Variants in NEGR1 observed in about 807,000 individuals in gnomAD.
NEGR1 encodes neuronal growth regulator 1, also known as IgLON family member 4.
NEGR1 carries 10 observed loss-of-function variants against 40.9 expected under a neutral mutation model. The ratio of observed to expected loss-of-function variants is 0.24; its 90% CI spans 0.15 to 0.42. The LOEUF is 0.42. Ranked by LOEUF, NEGR1 falls within the 10% of genes least tolerant of loss-of-function variation. NEGR1 has a pLI of 1.00. For missense variants in NEGR1, 352 were observed against 438.9 expected, an observed-to-expected ratio of 0.80 and a Z score of 1.77; for synonymous variants, 185 against 166.8, an observed-to-expected ratio of 1.11 and a Z score of -0.84.
In NEGR1 at chr1:71,969,628, G is replaced by T. The variant is rs145572621; in HGVS notation, c.177-34317C>A. Among the ~76,000 whole-genome samples the T allele has an allele frequency of 3.3e-3, 503 of 152,326 alleles. 3 individuals are homozygous for T. Among genetic ancestry groups the T allele is most frequent in the African/African-American group, 0.011 (458 of 41,580 alleles). On this transcript the variant is annotated intron_variant, in intron 1 of 6. Coordinates refer to ENST00000357731, the MANE Select transcript of NEGR1 (RefSeq NM_173808.3). ...TTACCATTGGGGGCAGGTGTGGAAA[G>T]AAAAGTCAGTATTCTGTCTTAATTA...
At chr1:71,642,610 C>T (rs569992457) in intron 4 of NEGR1, among the ~76,000 whole-genome samples, 1 of 150,602 alleles carries the variant, frequency 6.6e-6, no homozygotes, top group Non-Finnish European at 1.5e-5. Context: ...AAGGACTATG[C>T]AGTCAAAAAA....
chr1:71,601,314 A>T (rs560814503), intron 5 of NEGR1, among the ~76,000 whole-genome samples: 5 of 152,362 alleles, frequency 3.3e-5, no homozygotes, highest in African/African-American at 1.2e-4. Flanking sequence ...AAGTCAAAAA[A>T]ACAACAGATG....
chr1:72,216,827 G>A (rs1212837822), intron 1 of NEGR1, among the ~76,000 whole-genome samples: 1 of 151,416 alleles, frequency 6.6e-6, no homozygotes, highest in East Asian at 1.9e-4. Flanking sequence ...TTATTATGAT[G>A]ATGATTATAG....
At chr1:71,484,183 A>G (rs1004454277) in intron 6 of NEGR1, among the ~76,000 whole-genome samples, 11 of 151,622 alleles carry the variant, frequency 7.3e-5, no homozygotes, top group East Asian at 1.9e-4. Flanking sequence ...CTCTACACCA[A>G]TTTTCATGGT....
intron 3 of NEGR1, among the ~76,000 whole-genome samples, chr1:71,709,207 C>A (rs1413302907): frequency 6.6e-6 from 1 of 152,162 alleles, no homozygotes; most frequent in East Asian, 1.9e-4. Flanking sequence ...TTTACACTCC[C>A]AGGAAGAGAA....
rs1040143625 is a variant in NEGR1, at chr1:71,420,900, A to G, written c.941-13330T>C. ...ATTCCATAGTCTAGTAAATTATCCA[A>G]AGTCTAGACACATCTTTAATTAGAC... is the stretch of plus-strand genomic sequence containing the variant. On this transcript the variant is annotated intron_variant, in intron 6 of 6. Transcript: ENST00000357731. 1.1e-4 allele frequency among the ~76,000 whole-genome samples: 16 copies of G among 152,160 alleles called. No individual in the cohort carries two copies. In the East Asian group the frequency reaches 3.1e-3, roughly 29 times the overall value.
chr1:71,714,264 A>G (rs1463563699), intron 3 of NEGR1, among the ~76,000 whole-genome samples: 3 of 152,150 alleles, frequency 2.0e-5, no homozygotes, highest in African/African-American at 7.2e-5. Context: ...CCATGATTCA[A>G]TTACCTCCTC....
In NEGR1 at chr1:72,087,430, C is replaced by CA. The variant is rs1358505128; in HGVS notation, c.177-152120dup. Among the ~76,000 whole-genome samples the CA allele has an allele frequency of 9.4e-3, 1,337 of 142,924 alleles. 20 individuals are homozygous for CA. Among genetic ancestry groups the CA allele is most frequent in the African/African-American group, 0.032 (1,241 of 38,450 alleles). 93.8% of individuals were successfully genotyped at this position (142,924 alleles called of 152,430 possible). On this transcript the variant is annotated intron_variant, in intron 1 of 6. Coordinates refer to ENST00000357731, the MANE Select transcript of NEGR1 (RefSeq NM_173808.3). ...TGGGCGACAGAGTGAGATGCTGTCT[C>CA]AAAAAAAAAATATATATATATATAT...
chr1:71,505,906 T>G (rs1026912198), intron 6 of NEGR1, among the ~76,000 whole-genome samples: 1 of 152,116 alleles, frequency 6.6e-6, no homozygotes, highest in Admixed American at 6.5e-5. Context: ...CAGAAACCAC[T>G]GTGAGCTTAC....
chr1:71,674,802 G>A (rs979090656), intron 4 of NEGR1, among the ~76,000 whole-genome samples: 10 of 151,976 alleles, frequency 6.6e-5, no homozygotes, highest in Non-Finnish European at 1.5e-4. Context: ...AACATGTTAT[G>A]TAAAATAGAG....
intron 1 of NEGR1, among the ~76,000 whole-genome samples, chr1:71,965,124 T>C (rs1436349154): frequency 1.3e-5 from 2 of 152,110 alleles, no homozygotes; most frequent in African/African-American, 4.8e-5. Flanking sequence ...GTCACACAAA[T>C]AGTTACTTTG....
At chr1:71,684,910 A>G (rs530784051) in intron 4 of NEGR1, among the ~76,000 whole-genome samples, 1 of 152,298 alleles carries the variant, frequency 6.6e-6, no homozygotes, top group South Asian at 2.1e-4. Flanking sequence ...TTAAAAAAAT[A>G]TCTTTTAACC....
chr1:71,469,162 T>A (rs911765361), intron 6 of NEGR1, among the ~76,000 whole-genome samples: 6 of 152,104 alleles, frequency 3.9e-5, no homozygotes, highest in African/African-American at 1.4e-4. Flanking sequence ...TAACCGCTTG[T>A]AAATTTTAAT....
intron 3 of NEGR1, among the ~76,000 whole-genome samples, chr1:71,726,239 A>AT (rs1162546831): frequency 6.6e-6 from 1 of 152,084 alleles, no homozygotes; most frequent in South Asian, 2.1e-4. Context: ...TAAAGTGTGG[A>AT]TTTTTTTATC....
At chr1:71,655,390 G>C (rs1651844540) in intron 4 of NEGR1, among the ~76,000 whole-genome samples, 1 of 152,128 alleles carries the variant, frequency 6.6e-6, no homozygotes, top group Non-Finnish European at 1.5e-5. Flanking sequence ...CCTTCAGATA[G>C]AGTAAAAAAT....
intron 4 of NEGR1, among the ~76,000 whole-genome samples, chr1:71,658,504 G>A (rs1030959794): frequency 5.9e-5 from 9 of 152,014 alleles, no homozygotes; most frequent in Admixed American, 3.3e-4. Context: ...TGCTTAATAC[G>A]GGCCATGTGT....
intron 3 of NEGR1, among the ~76,000 whole-genome samples, chr1:71,719,299 GTTCAT>G (rs1654376423): frequency 1.3e-5 from 2 of 152,204 alleles, no homozygotes; most frequent in Admixed American, 1.3e-4. Flanking sequence ...CATAACAAAT[GTTCAT>G]TTCATTTGTC....
intron 3 of NEGR1, among the ~76,000 whole-genome samples, chr1:71,765,865 A>G (rs1458150968): frequency 1.3e-5 from 2 of 152,158 alleles, no homozygotes; most frequent in Non-Finnish European, 2.9e-5. Context: ...GAGCAGTGTC[A>G]AGTGATTGAT....
chr1:71,845,346 GTAAT>G (rs1557674749), intron 2 of NEGR1, among the ~76,000 whole-genome samples: 2 of 151,904 alleles, frequency 1.3e-5, no homozygotes, highest in Non-Finnish European at 1.5e-5. Context: ...AATTTAATAA[GTAAT>G]TAAAGTTATT....
Sources: allele counts gnomAD v4.1 joint callset (sites outside exome capture counted in the v4.1 genomes callset), GRCh38; gene constraint gnomAD v4.1.1; transcripts MANE v1.5; gene names NCBI Gene and HGNC (gene_info 2026-07-23, HGNC 2026-07-21).